The following DCAF4 variants were observed in gnomAD, a reference collection of about 807,000 sequenced individuals.
DCAF4 encodes the protein DDB1- and CUL4-associated factor 4.
Under a neutral mutation model 60.9 loss-of-function variants are expected in DCAF4, and 37 were observed. The observed-to-expected ratio is 0.61, with a 90% CI of 0.47 to 0.80. The LOEUF (loss-of-function observed/expected upper bound fraction) is 0.80, where lower values mean the gene tolerates loss of function less well. Ranked by LOEUF, DCAF4 falls within the 30% of genes least tolerant of loss-of-function variation. DCAF4 has a pLI of 0.00. For synonymous variants in DCAF4, 243 were observed against 254.8 expected (o/e 0.95, Z 0.44); for missense variants, 577 against 650.0 (o/e 0.89, Z 1.22).
In DCAF4 at chr14:72,940,388, C is replaced by A. The variant is rs768685218; in HGVS notation, c.351+11C>A. 1 of 1,605,544 alleles carries A rather than the reference C, an allele frequency of 6.2e-7. No homozygotes were observed. The highest frequency in any genetic ancestry group is 1.4e-5 in the African/African-American group (1 of 74,062). ...GACAGACGGAAAAAGGTGGGCTCCT[C>A]ACCCCTTCGCCCCCTGTCCTCTCCG... On this transcript the variant is annotated intron_variant, in intron 4 of 13. Coordinates refer to ENST00000358377, the MANE Select transcript of DCAF4 (RefSeq NM_015604.4).
downstream of DCAF4, chr14:72,961,900 A>G (rs1438492484): frequency 1.6e-5 from 18 of 1,135,132 alleles, no homozygotes; most frequent in East Asian, 1.1e-3. Flanking sequence ...CAAACTGGTC[A>G]GTGGGTTCAG....
intron 1 of DCAF4, among the ~76,000 whole-genome samples, chr14:72,930,139 T>G (rs1173935373): frequency 6.6e-6 from 1 of 152,102 alleles, no homozygotes; most frequent in African/African-American, 2.4e-5. Flanking sequence ...TAAATAAAAT[T>G]AAATAAATAA....
chr14:72,931,985 CTTCT>C (rs200055443), intron 1 of DCAF4, among the ~76,000 whole-genome samples: 5,917 of 139,156 alleles, frequency 0.043, 364 homozygotes, highest in African/African-American at 0.14. Flanking sequence ...TATATTTTTC[CTTCT>C]TTTTTTTTTT....
intron 9 of DCAF4, among the ~76,000 whole-genome samples, chr14:72,952,992 C>CTTTTTTTTTTTTTTTTTTT (rs34917327): frequency 2.4e-5 from 1 of 41,594 alleles, no homozygotes; most frequent in Non-Finnish European, 4.2e-5. Flanking sequence ...AATGCCCGGC[C>CTTTTTTTTTTTTTTTTTTT]TTTTTTTTTT....
At chr14:72,956,365 C>T in intron 12 of DCAF4, 21 bp from the exon 13 acceptor site, 1 of 1,575,626 alleles carries the variant, frequency 6.3e-7, no homozygotes, top group Non-Finnish European at 8.6e-7. Context: ...TCCCTGATGG[C>T]CCCTGGTGCT....
chr14:72,935,453 C>T (rs1889139513), intron 1 of DCAF4, among the ~76,000 whole-genome samples: 1 of 152,224 alleles, frequency 6.6e-6, no homozygotes, highest in African/African-American at 2.4e-5. Flanking sequence ...CGGGGTTTCA[C>T]CACGTTGGCC....
intron 8 of DCAF4, among the ~76,000 whole-genome samples, chr14:72,948,273 G>A (rs1265721076): frequency 1.3e-5 from 2 of 152,094 alleles, no homozygotes; most frequent in African/African-American, 4.8e-5. Context: ...CTCCAGCCTA[G>A]AACTCCTGGG....
At chr14:72,958,459 G>A (rs1210645443) in intron 13 of DCAF4, among the ~76,000 whole-genome samples, 153 bp from the exon 14 acceptor site, 1 of 152,212 alleles carries the variant, frequency 6.6e-6, no homozygotes, top group Non-Finnish European at 1.5e-5. Flanking sequence ...GGCGACTTGG[G>A]TTATCCGTAG....
chr14:72,944,701 A>T (rs1210798924), intron 6 of DCAF4, among the ~76,000 whole-genome samples: 5 of 152,124 alleles, frequency 3.3e-5, no homozygotes. Flanking sequence ...CTATGGTGGG[A>T]GTATCACTTG....
rs1300686136 is a variant in DCAF4, at chr14:72,943,028, A to C, written c.466A>C (p.Arg156=). The C allele has an allele frequency of 6.2e-7, 1 of 1,613,974 alleles. No homozygotes were observed. The highest frequency in any genetic ancestry group is 1.3e-5 in the African/African-American group (1 of 74,872). ...CGAGCTGCGTCTCAGCTGCATGGAG[A>C]GGAAAAAGGTCCAGATTCGAAGCAT... ...AHELRLSCME[R]KKVQIRSMDP... is the part of the protein sequence containing the mutation. The change falls in exon 6 of 14, where the codon AGG becomes CGG. Residue 156 remains arginine (R), a synonymous_variant. Coordinates refer to ENST00000358377, the MANE Select transcript of DCAF4 (RefSeq NM_015604.4).
downstream of DCAF4, among the ~76,000 whole-genome samples, chr14:72,960,157 A>AT (rs34676562): frequency 0.22 from 31,243 of 143,868 alleles, 3,967 homozygotes; most frequent in East Asian, 0.47. Flanking sequence ...AAAGAACCAA[A>AT]TTTTTTTTTT....
rs750585266 is a variant in DCAF4, at chr14:72,940,588, G to GTTTT, written c.351+213_351+214insTTTT. ...CCATCCCCGTTTTCTTGTTCGATAA[G>GTTTT]TTGTTTTTTTTTTTTTTTTTGAGGC... On this transcript the variant is annotated intron_variant, in intron 4 of 13. Transcript: ENST00000358377. 601 of 275,886 alleles carry GTTTT rather than the reference G, an allele frequency of 2.2e-3. 7 individuals are homozygous for GTTTT. Among genetic ancestry groups the GTTTT allele is most frequent in the Middle Eastern group, 3.0e-3 (3 of 984 alleles). 17.1% of individuals were successfully genotyped at this position (275,886 alleles called of 1,614,324 possible).
At chr14:72,947,273 G>C (rs1890858143) in intron 8 of DCAF4, 82 bp downstream of exon 8, 6 of 1,501,322 alleles carry the variant, frequency 4.0e-6, no homozygotes, top group Middle Eastern at 2.1e-4. Context: ...TTCATGACAT[G>C]GCATCTTAGT....
At position 72,945,901 on chromosome 14, in the gene DCAF4, C is replaced by T. The variant is rs1295903584; in HGVS notation, c.552C>T (p.Asp184=). Residue 184 remains aspartate, a synonymous_variant, in exon 7 of 14, where the codon GAC becomes GAT. Transcript: ENST00000358377. ...FNLILADTNS[D]RLFTVNDVKV... Reference sequence around the variant, plus strand: ...TTCTCCAGGCAGATACCAACAGTGACCGGCTCTTCACAGTGAACGATGTTA... The same window carrying T: ...TTCTCCAGGCAGATACCAACAGTGATCGGCTCTTCACAGTGAACGATGTTA... 1.2e-6 allele frequency: 2 copies of T among 1,614,206 alleles called. No homozygotes were observed. Among genetic ancestry groups the T allele is most frequent in the East Asian group, 2.2e-5 (1 of 44,880 alleles).
chr14:72,927,187 G>T (rs1887685825), intron 1 of DCAF4, among the ~76,000 whole-genome samples: 1 of 152,258 alleles, frequency 6.6e-6, no homozygotes, highest in African/African-American at 2.4e-5. Context: ...AAACCATGAC[G>T]CCTTTCACCA....
intron 8 of DCAF4, among the ~76,000 whole-genome samples, chr14:72,951,492 T>C (rs2535912): frequency 0.27 from 40,754 of 151,832 alleles, 5,889 homozygotes; most frequent in Non-Finnish European, 0.31. Flanking sequence ...ATGCCTGTAA[T>C]CCCAGCTACT....
At chr14:72,951,995 C>T in intron 9 of DCAF4, 118 bp downstream of exon 9, 2 of 1,083,772 alleles carry the variant, frequency 1.8e-6, no homozygotes, top group Non-Finnish European at 2.8e-6. Context: ...TTCCCTAAGC[C>T]TGTCCCAGGG....
chr14:72,945,716 C>T (rs1043685252), intron 6 of DCAF4, among the ~76,000 whole-genome samples, 168 bp from the exon 7 acceptor site: 1 of 152,188 alleles, frequency 6.6e-6, no homozygotes, highest in Admixed American at 6.5e-5. Context: ...GACATGGCTG[C>T]ACTAAGTTGG....
chr14:72,942,582 T>G (rs1489746303), intron 5 of DCAF4: 1 of 181,476 alleles, frequency 5.5e-6, no homozygotes, highest in Non-Finnish European at 1.2e-5. Context: ...GATCTGTTCC[T>G]CACCCTGCGA....
Sources: allele counts gnomAD v4.1 joint callset (sites outside exome capture counted in the v4.1 genomes callset), GRCh38; gene constraint gnomAD v4.1.1; transcripts MANE v1.5; gene names NCBI Gene and HGNC (gene_info 2026-07-23, HGNC 2026-07-21).